Variants in JAK1 observed in about 807,000 individuals in gnomAD.
JAK1 encodes tyrosine-protein kinase JAK1.
In JAK1, 16 loss-of-function variants were observed where a neutral mutation model predicts 136.6. The ratio of observed to expected loss-of-function variants is 0.12; its 90% confidence interval spans 0.08 to 0.18. The LOEUF (loss-of-function observed/expected upper bound fraction) is 0.18. JAK1 is among the 10% of genes least tolerant of loss of function. The pLI, the probability that JAK1 is intolerant of heterozygous loss-of-function variation, is 1.00. For synonymous variants in JAK1, 492 were observed against 519.5 expected, an observed-to-expected ratio of 0.95 and a Z score of 0.72; for missense variants, 859 against 1,450.1, an observed-to-expected ratio of 0.59 and a Z score of 6.62.
At chr1:64,931,240 C>T (rs1297874438) in intron 1 of JAK1, among the ~76,000 whole-genome samples, 2 of 152,142 alleles carry the variant, frequency 1.3e-5, no homozygotes, top group African/African-American at 4.8e-5. Flanking sequence ...AACCACCATG[C>T]TGGATTCCCT....
intron 1 of JAK1, among the ~76,000 whole-genome samples, chr1:64,914,630 C>G (rs1249307880): frequency 6.6e-6 from 1 of 152,210 alleles, no homozygotes; most frequent in African/African-American, 2.4e-5. Flanking sequence ...GTGGCGTGAT[C>G]TCAGCTCACT....
chr1:65,035,607 G>A (rs191067499), intron 2 of JAK1, among the ~76,000 whole-genome samples: 37 of 152,266 alleles, frequency 2.4e-4, no homozygotes, highest in African/African-American at 8.7e-4. Context: ...ATAAAATAAT[G>A]TATGAGAGTG....
chr1:64,974,114 A>G (rs1257796599), intron 2 of JAK1: 2 of 152,232 alleles, frequency 1.3e-5, no homozygotes, highest in Non-Finnish European at 2.9e-5. Flanking sequence ...CATAAATTCA[A>G]TACATAGGTA....
chr1:65,067,459 G>C (rs1262928971), intron 1 of JAK1: 2 of 147,330 alleles, frequency 1.4e-5, no homozygotes, highest in Non-Finnish European at 3.0e-5. Context: ...AGCGCTCCAC[G>C]GCGGCGCACG....
chr1:64,910,472 T>C (rs927550931), intron 1 of JAK1, among the ~76,000 whole-genome samples: 2 of 152,218 alleles, frequency 1.3e-5, no homozygotes, highest in Non-Finnish European at 2.9e-5. Flanking sequence ...AAGAGGGAGA[T>C]TTGAAATTTC....
intron 1 of JAK1, among the ~76,000 whole-genome samples, chr1:64,935,097 TG>T (rs1179149978): frequency 6.6e-6 from 1 of 152,150 alleles, no homozygotes; most frequent in Non-Finnish European, 1.5e-5. Flanking sequence ...ATTCTAGCCA[TG>T]GGAACAAGAA....
chr1:65,045,154 G>A (rs1289976482), intron 1 of JAK1, among the ~76,000 whole-genome samples: 1 of 152,172 alleles, frequency 6.6e-6, no homozygotes, highest in African/African-American at 2.4e-5. Context: ...TCTTGTATTG[G>A]GTCATACAGC....
intron 1 of JAK1, among the ~76,000 whole-genome samples, chr1:64,903,898 G>A (rs993786519): frequency 5.3e-5 from 8 of 152,120 alleles, no homozygotes; most frequent in Admixed American, 3.9e-4. Flanking sequence ...GCTCTAATTT[G>A]GGACCTCTCC....
intron 22 of JAK1, among the ~76,000 whole-genome samples, chr1:64,837,126 C>T (rs560573685): frequency 6.6e-6 from 1 of 152,176 alleles, no homozygotes; most frequent in Non-Finnish European, 1.5e-5. Flanking sequence ...TCCAGAAAAC[C>T]AAGCCCGAAC....
At chr1:65,014,845 C>T (rs1450088720) in intron 2 of JAK1, among the ~76,000 whole-genome samples, 1 of 151,962 alleles carries the variant, frequency 6.6e-6, no homozygotes, top group South Asian at 2.1e-4. Flanking sequence ...CCACCACGCC[C>T]GGCTAATTTT....
intron 1 of JAK1, among the ~76,000 whole-genome samples, chr1:64,890,942 T>C (rs1255734317): frequency 1.3e-5 from 2 of 152,196 alleles, no homozygotes; most frequent in African/African-American, 4.8e-5. Flanking sequence ...TTAGGCAAGT[T>C]AGTTAATATC....
intron 2 of JAK1, among the ~76,000 whole-genome samples, chr1:65,030,506 T>C (rs2100812553): frequency 6.6e-6 from 1 of 151,656 alleles, no homozygotes; most frequent in East Asian, 2.0e-4. Flanking sequence ...AGGAACAGAA[T>C]ATTAACATAG....
At chr1:64,843,493 C>T (rs1655038101) in intron 17 of JAK1, among the ~76,000 whole-genome samples, 1 of 152,172 alleles carries the variant, frequency 6.6e-6, no homozygotes, top group South Asian at 2.1e-4. Flanking sequence ...GTCTCAGTTA[C>T]CTGATCTGTC....
rs1418948034 is a variant in JAK1, at chr1:64,841,436, C to G, written c.2554+15G>C. 6.2e-7 allele frequency: 1 copy of G among 1,614,038 alleles called. No homozygotes were observed. The highest frequency in any genetic ancestry group is 1.3e-5 in the African/African-American group (1 of 74,922). ...CTCCCCAAGCTGGGTTAAAGCAGCA[C>G]ATGGCAGGTCTTACTCTGCTCTTCA... On this transcript the variant is annotated intron_variant, in intron 18 of 24. Coordinates refer to ENST00000342505, the MANE Select transcript of JAK1 (RefSeq NM_002227.4).
chr1:65,009,952 C>T (rs150730079), intron 2 of JAK1, among the ~76,000 whole-genome samples: 24 of 152,338 alleles, frequency 1.6e-4, no homozygotes, highest in African/African-American at 5.1e-4. Flanking sequence ...ACTAGGAGCT[C>T]TATCTTAGTG....
chr1:65,018,462 CAGAGAG>C (rs138864438), intron 2 of JAK1, among the ~76,000 whole-genome samples: 73 of 146,286 alleles, frequency 5.0e-4, no homozygotes, highest in African/African-American at 1.4e-3. Flanking sequence ...CACATACATA[CAGAGAG>C]AGAGAGAGAG....
At chr1:64,978,354 G>A (rs1259801076) in intron 2 of JAK1, among the ~76,000 whole-genome samples, 2 of 152,116 alleles carry the variant, frequency 1.3e-5, no homozygotes, top group Non-Finnish European at 2.9e-5. Context: ...TTTAATTATT[G>A]TATAGGATGT....
chr1:64,904,256 CA>C (rs1645157010), intron 1 of JAK1, among the ~76,000 whole-genome samples: 2 of 152,166 alleles, frequency 1.3e-5, no homozygotes, highest in South Asian at 2.1e-4. Flanking sequence ...TATGGGAACA[CA>C]AACCAACAGA....
At chr1:64,973,486 A>G (rs1334267230) in intron 2 of JAK1, among the ~76,000 whole-genome samples, 1 of 152,068 alleles carries the variant, frequency 6.6e-6, no homozygotes, top group Non-Finnish European at 1.5e-5. Context: ...TTCAGTATTT[A>G]AACCTATAAG....
Sources: allele counts gnomAD v4.1 joint callset (sites outside exome capture counted in the v4.1 genomes callset), GRCh38; gene constraint gnomAD v4.1.1; transcripts MANE v1.5; gene names NCBI Gene and HGNC (gene_info 2026-07-23, HGNC 2026-07-21).